The following RP2 variants were observed in gnomAD, a reference collection of about 807,000 sequenced individuals.
RP2 encodes the protein RP2 activator of ARL3 GTPase.
In RP2, 3 loss-of-function variants were observed where a neutral mutation model predicts 20.3. That is an observed-to-expected ratio of 0.15 (90% CI 0.07 to 0.38). RP2 has a LOEUF of 0.38. RP2 is among the 10% of genes least tolerant of loss of function. RP2 has a pLI of 1.00. For missense variants in RP2, 233 were observed against 268.5 expected (o/e 0.87, Z 0.92); for synonymous variants, 75 against 94.8 (o/e 0.79, Z 1.22).
intron 3 of RP2, among the ~76,000 whole-genome samples, chrX:46,865,103 G>C (rs1925148027): frequency 8.9e-6 from 1 of 112,297 alleles, no homozygotes; most frequent in Non-Finnish European, 1.9e-5. Context: ...CATAACCATA[G>C]TACATTTGTC....
chrX:46,864,347 C>CTTT (rs782091799), intron 3 of RP2, among the ~76,000 whole-genome samples: 3 of 95,251 alleles, frequency 3.1e-5, no homozygotes, highest in African/African-American at 1.2e-4. Flanking sequence ...TCCTTCCTTT[C>CTTT]TTTTTTTTTT....
At chrX:46,856,435 C>A (rs969848423) in intron 2 of RP2, among the ~76,000 whole-genome samples, 1 of 111,874 alleles carries the variant, frequency 8.9e-6, no homozygotes, top group Non-Finnish European at 1.9e-5. Context: ...CTAACACTTA[C>A]ATAGTGTTTA....
chrX:46,850,568 A>G (rs781916918), intron 1 of RP2, among the ~76,000 whole-genome samples: 46 of 111,869 alleles, frequency 4.1e-4, no homozygotes, highest in Admixed American at 3.7e-3. Flanking sequence ...TGTAACACCA[A>G]ACTACTTTCA....
In RP2 at chrX:46,880,000, G is replaced by A. The variant is rs2147090325; in HGVS notation, c.*231G>A. ...AAAGCTATTTAACCCATTTTAATAA[G>A]CTTGCAGTTTTGTTTCTCTGCATAT... On this transcript the variant is annotated 3_prime_UTR_variant, in exon 5 of 5. Coordinates refer to ENST00000218340, the MANE Select transcript of RP2 (RefSeq NM_006915.3). 1 of 251,944 alleles carries A rather than the reference G, an allele frequency of 4.0e-6. No homozygotes were observed. The highest frequency in any genetic ancestry group is 2.8e-5 in the African/African-American group (1 of 35,321). The allele number at this position is 251,944 out of a possible 1,213,427, so 20.8% of individuals were successfully genotyped here. A position where few individuals can be genotyped will look rare whatever the true frequency, so the allele number is the denominator to read the frequency against.
chrX:46,878,266 G>A (rs868941171), intron 4 of RP2, among the ~76,000 whole-genome samples: 22 of 107,545 alleles, frequency 2.0e-4, no homozygotes, highest in African/African-American at 5.4e-4. Context: ...AGTCCCAGCT[G>A]CTTGGGAGGC....
intron 3 of RP2, among the ~76,000 whole-genome samples, chrX:46,867,617 T>C (rs1925198515): frequency 9.0e-6 from 1 of 111,575 alleles, no homozygotes; most frequent in South Asian, 3.7e-4. Context: ...TGGTAATACA[T>C]TTACATTCTC....
At chrX:46,852,230 GAGGGAAGGA>G (rs782438154) in intron 1 of RP2, among the ~76,000 whole-genome samples, 11 of 109,916 alleles carry the variant, frequency 1.0e-4, no homozygotes, top group Non-Finnish European at 2.1e-4. Context: ...AGAAAGGAGG[GAGGGAAGGA>G]AGGGAAGGAA....
intron 3 of RP2, among the ~76,000 whole-genome samples, chrX:46,873,526 G>A (rs1404839101): frequency 8.9e-6 from 1 of 111,768 alleles, no homozygotes; most frequent in Non-Finnish European, 1.9e-5. Flanking sequence ...AAATTTAGTA[G>A]TGCTTAGCAA....
At position 46,853,974 on chromosome X, in the gene RP2, A is replaced by C; in HGVS notation, c.601A>C (p.Ile201Leu). 1 of 1,211,859 alleles carries C rather than the reference A, an allele frequency of 8.3e-7. No homozygotes were observed. The highest frequency in any genetic ancestry group is 1.1e-6 in the Non-Finnish European group (1 of 895,504). The change falls in exon 2 of 5, where the codon ATA becomes CTA. Residue 201 changes from isoleucine to leucine, a missense_variant. Physicochemically the swap from Ile to Leu is conservative, Grantham distance 5. This residue lies in a region of RP2 where 118 missense variants were observed against 123.8 expected (regional missense o/e 0.95). Transcript: ENST00000218340. The part of the protein sequence containing the change: ...EDAVVQDYVP[I>L]PTTEELKAVR... ...TGCTGTGGTTCAGGACTATGTTCCTATACCTACTACCGAAGAGCTCAAAGC... is the reference window on the plus strand; with the variant it reads ...TGCTGTGGTTCAGGACTATGTTCCTCTACCTACTACCGAAGAGCTCAAAGC...
intron 3 of RP2, among the ~76,000 whole-genome samples, chrX:46,869,304 T>C (rs1238902658): frequency 1.8e-5 from 2 of 110,230 alleles, no homozygotes; most frequent in East Asian, 2.8e-4. Context: ...GTTTTTCTTT[T>C]TTTTTTTTTT....
At chrX:46,866,300 AACAG>A (rs782780970) in intron 3 of RP2, among the ~76,000 whole-genome samples, 2 of 111,950 alleles carry the variant, frequency 1.8e-5, no homozygotes, top group South Asian at 7.4e-4. Flanking sequence ...AGGCCCTTTC[AACAG>A]ACAAAGGTAA....
intron 1 of RP2, among the ~76,000 whole-genome samples, chrX:46,849,109 C>T (rs782783465): frequency 9.0e-6 from 1 of 111,291 alleles, no homozygotes; most frequent in East Asian, 2.8e-4. Flanking sequence ...ATGACCTTTC[C>T]ATGTTTGTGA....
intron 3 of RP2, among the ~76,000 whole-genome samples, chrX:46,864,153 A>C (rs1925124766): frequency 9.1e-6 from 1 of 110,236 alleles, no homozygotes; most frequent in Non-Finnish European, 1.9e-5. Context: ...CTCTACAAAA[A>C]TTAGCTGGGT....
At chrX:46,876,827 A>G (rs1466646095) in intron 3 of RP2, among the ~76,000 whole-genome samples, 5 of 112,323 alleles carry the variant, frequency 4.5e-5, no homozygotes, top group Non-Finnish European at 9.4e-5. Flanking sequence ...TCTTCTTTCA[A>G]TACATTTGTA....
intron 4 of RP2, among the ~76,000 whole-genome samples, chrX:46,878,189 AC>A (rs1925405900): frequency 9.1e-6 from 1 of 109,498 alleles, no homozygotes; most frequent in South Asian, 3.9e-4. Flanking sequence ...CCCGGCTAAA[AC>A]GGTGAAACCC....
At chrX:46,874,398 C>G (rs1266364850) in intron 3 of RP2, among the ~76,000 whole-genome samples, 1 of 111,361 alleles carries the variant, frequency 9.0e-6, no homozygotes, top group African/African-American at 3.3e-5. Flanking sequence ...AACTGGAAAC[C>G]CTACATTTAT....
At chrX:46,863,241 G>A (rs1556320951) in intron 3 of RP2, among the ~76,000 whole-genome samples, 1 of 111,831 alleles carries the variant, frequency 8.9e-6, no homozygotes, top group Non-Finnish European at 1.9e-5. Context: ...GATACATGCT[G>A]AAGTGTTCTT....
intron 2 of RP2, among the ~76,000 whole-genome samples, chrX:46,858,456 T>G (rs1172181674): frequency 9.0e-6 from 1 of 110,931 alleles, no homozygotes; most frequent in Admixed American, 9.7e-5. Flanking sequence ...AAAAATTAAG[T>G]GGTTGGAATA....
At chrX:46,844,343 G>T (rs1451486611) in intron 1 of RP2, among the ~76,000 whole-genome samples, 1 of 35,101 alleles carries the variant, frequency 2.8e-5, no homozygotes, top group African/African-American at 1.2e-4. Flanking sequence ...CCAACCCCAC[G>T]ACAGGCCCCG....
Sources: gnomAD v4.1 joint callset for allele counts (sites outside exome capture counted in the v4.1 genomes callset) on GRCh38, gnomAD v4.1.1 for gene constraint, gnomAD v4.1.1 regional missense constraint, MANE v1.5 for transcripts, NCBI Gene and HGNC (gene_info 2026-07-23, HGNC 2026-07-21) for gene names.